Variants in PHEX observed in about 807,000 individuals in gnomAD.
The protein encoded by PHEX is phosphate regulating endopeptidase X-linked.
In PHEX, 16 loss-of-function variants were observed where a neutral mutation model predicts 68.0. The ratio of observed to expected loss-of-function variants is 0.24; its 90% CI spans 0.16 to 0.36. The LOEUF (loss-of-function observed/expected upper bound fraction) is 0.36. Ranked by LOEUF, PHEX falls within the 10% of genes least tolerant of loss-of-function variation. The probability of loss-of-function intolerance (pLI) is 1.00; values close to 1 mark genes in which losing one functional copy is unlikely to be tolerated. For synonymous variants in PHEX, 208 were observed against 205.1 expected, an observed-to-expected ratio of 1.01 and a Z score of -0.12; for missense variants, 480 against 575.5, an observed-to-expected ratio of 0.83 and a Z score of 1.70.
At chrX:22,224,993 G>GATTTATTATCATAAAGCGCTGTATGAT in intron 18 of PHEX, among the ~76,000 whole-genome samples, 1 of 99,033 alleles carries the variant, frequency 1.0e-5, no homozygotes, top group Non-Finnish European at 2.1e-5. Flanking sequence ...AGCTCTGTAT[G>GATTTATTATCATAAAGCGCTGTATGAT]TCAGAAGTCT....
At chrX:22,168,200 T>C (rs1465819076) in intron 12 of PHEX, 112 bp from the exon 13 acceptor site, 3 of 591,055 alleles carry the variant, frequency 5.1e-6, no homozygotes, top group Admixed American at 2.4e-5. Flanking sequence ...TTGCATATAG[T>C]AGATATTCAG....
intron 3 of PHEX, among the ~76,000 whole-genome samples, chrX:22,070,628 G>A (rs1928857099): frequency 8.9e-6 from 1 of 112,321 alleles, no homozygotes; most frequent in Admixed American, 9.4e-5. Flanking sequence ...TGAGGATTCA[G>A]TGAGCTGTGA....
Position 22,226,583 on chromosome X carries a change from C to T in PHEX, c.1965+75C>T. Reference sequence around the variant, plus strand: ...CCATATGGGGGTACCTCAATTCATACCATAGCCATGTTCTTGAGGAGTTAG... The same window carrying T: ...CCATATGGGGGTACCTCAATTCATATCATAGCCATGTTCTTGAGGAGTTAG... On this transcript the variant is annotated intron_variant, in intron 19 of 21. Coordinates refer to ENST00000379374, the MANE Select transcript of PHEX (RefSeq NM_000444.6). 4 of 768,647 alleles carry T rather than the reference C, an allele frequency of 5.2e-6. No individual in the cohort carries two copies. In the South Asian group the frequency reaches 6.3e-5, roughly 12 times the overall value. 63.3% of individuals were successfully genotyped at this position (768,647 alleles called of 1,213,427 possible). A position where few individuals can be genotyped will look rare whatever the true frequency, so the allele number is the denominator to read the frequency against.
chrX:22,066,363 G>A (rs1432400348), intron 3 of PHEX, among the ~76,000 whole-genome samples: 1 of 111,962 alleles, frequency 8.9e-6, no homozygotes, highest in Non-Finnish European at 1.9e-5. Flanking sequence ...AAATACCAAG[G>A]CATGATTGTT....
chrX:22,125,700 C>T (rs1332955133), intron 11 of PHEX, among the ~76,000 whole-genome samples: 1 of 111,551 alleles, frequency 9.0e-6, no homozygotes, highest in Non-Finnish European at 1.9e-5. Context: ...GAACCTTGTC[C>T]CCTAATATAA....
At chrX:22,206,867 CTAAT>C (rs1450216042) in intron 15 of PHEX, among the ~76,000 whole-genome samples, 1 of 111,645 alleles carries the variant, frequency 9.0e-6, no homozygotes, top group Non-Finnish European at 1.9e-5. Context: ...AAAAAAAACT[CTAAT>C]TAATGCAGCT....
intron 18 of PHEX, among the ~76,000 whole-genome samples, chrX:22,225,840 C>T (rs188989706): frequency 8.9e-6 from 1 of 112,235 alleles, no homozygotes; most frequent in East Asian, 2.8e-4. Context: ...GAGAAACAAT[C>T]TTGAATATTG....
At chrX:22,143,040 T>C (rs1306394171) in intron 12 of PHEX, among the ~76,000 whole-genome samples, 1 of 112,489 alleles carries the variant, frequency 8.9e-6, no homozygotes, top group Admixed American at 9.4e-5. Flanking sequence ...GCACAAATCG[T>C]GTTGCTTCTT....
chrX:22,142,836 G>A (rs1219557598), intron 12 of PHEX, among the ~76,000 whole-genome samples: 3 of 112,499 alleles, frequency 2.7e-5, no homozygotes, highest in Non-Finnish European at 3.8e-5. Flanking sequence ...TGTATTTAGG[G>A]CATTCTTTAA....
At chrX:22,063,066 T>A (rs1928445698) in intron 3 of PHEX, among the ~76,000 whole-genome samples, 1 of 111,260 alleles carries the variant, frequency 9.0e-6, no homozygotes, top group Non-Finnish European at 1.9e-5. Context: ...TGGCTAGATG[T>A]GAGGATTTTT....
chrX:22,232,536 C>G (rs1202219896), intron 20 of PHEX, among the ~76,000 whole-genome samples: 1 of 93,509 alleles, frequency 1.1e-5, no homozygotes, highest in African/African-American at 4.0e-5. Context: ...TCTTCTTTGT[C>G]TCTTTTGATC....
chrX:22,035,505 T>C (rs368758840), intron 1 of PHEX, among the ~76,000 whole-genome samples: 1 of 112,884 alleles, frequency 8.9e-6, no homozygotes, highest in East Asian at 2.8e-4. Flanking sequence ...AAAATCTGAT[T>C]TCTAGACACT....
intron 20 of PHEX, among the ~76,000 whole-genome samples, chrX:22,237,945 T>C (rs1480951063): frequency 1.8e-5 from 2 of 112,808 alleles, no homozygotes; most frequent in African/African-American, 6.4e-5. Flanking sequence ...TCACTCTCCA[T>C]GTCCAACATG....
chrX:22,089,610 G>T (rs1385804326), intron 5 of PHEX, among the ~76,000 whole-genome samples: 1 of 106,513 alleles, frequency 9.4e-6, no homozygotes, highest in Admixed American at 1.0e-4. Flanking sequence ...TAGTAGAGAC[G>T]GGGTTTCACC....
chrX:22,098,363 G>T (rs1930243962), intron 8 of PHEX, among the ~76,000 whole-genome samples: 1 of 108,054 alleles, frequency 9.3e-6, no homozygotes, highest in Non-Finnish European at 1.9e-5. Flanking sequence ...AAGACAGAGG[G>T]GAGAGTTCAG....
chrX:22,175,523 A>G (rs1188321863), intron 13 of PHEX, among the ~76,000 whole-genome samples: 3 of 110,733 alleles, frequency 2.7e-5, no homozygotes, highest in Non-Finnish European at 5.7e-5. Flanking sequence ...GTTAATTTTC[A>G]TATTTTTAGA....
At chrX:22,090,803 T>C (rs752313250) in intron 6 of PHEX, among the ~76,000 whole-genome samples, 1 of 111,889 alleles carries the variant, frequency 8.9e-6, no homozygotes, top group Admixed American at 9.5e-5. Flanking sequence ...GAGAGCTCAC[T>C]ATCAATTGCA....
At chrX:22,121,385 G>C (rs1412926265) in intron 11 of PHEX, among the ~76,000 whole-genome samples, 1 of 111,725 alleles carries the variant, frequency 9.0e-6, no homozygotes, top group Non-Finnish European at 1.9e-5. Context: ...AGGTGATCAG[G>C]ATGGGGATTC....
intron 3 of PHEX, among the ~76,000 whole-genome samples, chrX:22,069,034 G>T (rs7877915): frequency 0.048 from 5,367 of 111,642 alleles, 323 homozygotes; most frequent in African/African-American, 0.16. Flanking sequence ...ATTCATGAGG[G>T]TGAGGCAAAG....
Sources: gnomAD v4.1 joint callset for allele counts (sites outside exome capture counted in the v4.1 genomes callset) on GRCh38, gnomAD v4.1.1 for gene constraint, MANE v1.5 for transcripts, NCBI Gene and HGNC (gene_info 2026-07-23, HGNC 2026-07-21) for gene names.